EPHA7: variants seen among roughly 807,000 people sequenced by gnomAD.
The protein encoded by EPHA7 is EPH receptor A7.
EPHA7 carries 25 observed loss-of-function variants against 112.6 expected under a neutral mutation model. That is an observed-to-expected ratio of 0.22 (90% CI 0.16 to 0.31). EPHA7 has a LOEUF of 0.31. Ranked by LOEUF, EPHA7 falls within the 10% of genes least tolerant of loss-of-function variation. The pLI, the probability that EPHA7 is intolerant of heterozygous loss-of-function variation, is 1.00. For synonymous variants in EPHA7, 437 were observed against 406.5 expected (o/e 1.07, Z -0.90); for missense variants, 962 against 1,212.6 (o/e 0.79, Z 3.07).
intron 9 of EPHA7, among the ~76,000 whole-genome samples, chr6:93,260,306 T>A (rs1206262299): frequency 6.6e-6 from 1 of 151,820 alleles, no homozygotes; most frequent in African/African-American, 2.4e-5. Flanking sequence ...ATCTTAAAAG[T>A]TAAAATCTTC....
At chr6:93,311,212 C>T (rs1166084515) in intron 5 of EPHA7, among the ~76,000 whole-genome samples, 2 of 147,368 alleles carry the variant, frequency 1.4e-5, no homozygotes, top group African/African-American at 2.5e-5. Flanking sequence ...ATCCAACAGC[C>T]TCAGGCTCCC....
At chr6:93,377,206 A>T (rs1777104588) in intron 3 of EPHA7, among the ~76,000 whole-genome samples, 2 of 152,188 alleles carry the variant, frequency 1.3e-5, no homozygotes, top group Admixed American at 1.3e-4. Context: ...GACATCAAGC[A>T]TGCTGCTAAA....
At chr6:93,327,211 C>T (rs1774365512) in intron 5 of EPHA7, among the ~76,000 whole-genome samples, 2 of 151,492 alleles carry the variant, frequency 1.3e-5, no homozygotes, top group Admixed American at 1.3e-4. Context: ...GCAGAGCTAT[C>T]AACATTTGGG....
chr6:93,411,284 G>T, intron 2 of EPHA7, 114 bp from the exon 3 acceptor site: 1 of 804,330 alleles, frequency 1.2e-6, no homozygotes. Context: ...TGATTCCTAT[G>T]CTGGCAAAAC....
intron 5 of EPHA7, among the ~76,000 whole-genome samples, chr6:93,331,396 A>G (rs933800534): frequency 6.0e-5 from 9 of 150,838 alleles, no homozygotes; most frequent in African/African-American, 1.5e-4. Context: ...AAATTCTGCA[A>G]CTCCTGAATA....
At position 93,329,627 on chromosome 6, in the gene EPHA7, A is replaced by G. The variant is rs1005063079; in HGVS notation, c.1324+27090T>C. ...AAAGGAGACATTGCTTAAAGAATACATTGTATCCATTATAGAGTATGACTG... is the reference window on the plus strand; with the variant it reads ...AAAGGAGACATTGCTTAAAGAATACGTTGTATCCATTATAGAGTATGACTG... On this transcript the variant is annotated intron_variant, in intron 5 of 16. Coordinates refer to ENST00000369303, the MANE Select transcript of EPHA7 (RefSeq NM_004440.4). 5.9e-5 allele frequency among the ~76,000 whole-genome samples: 9 copies of G among 151,536 alleles called. No homozygotes were observed. In the South Asian group the frequency reaches 1.7e-3, roughly 28 times the overall value.
intron 5 of EPHA7, among the ~76,000 whole-genome samples, chr6:93,328,614 G>T (rs975731426): frequency 6.6e-6 from 1 of 151,282 alleles, no homozygotes; most frequent in Non-Finnish European, 1.5e-5. Flanking sequence ...TTTCTTACCT[G>T]ACTTTATTAT....
chr6:93,342,918 C>G (rs996364853), intron 5 of EPHA7, among the ~76,000 whole-genome samples: 1 of 151,592 alleles, frequency 6.6e-6, no homozygotes, highest in Non-Finnish European at 1.5e-5. Flanking sequence ...ATATTGTCTG[C>G]AAGAACAAAC....
chr6:93,303,249 C>T (rs1429338219), intron 5 of EPHA7, among the ~76,000 whole-genome samples: 4 of 152,100 alleles, frequency 2.6e-5, no homozygotes, highest in African/African-American at 9.7e-5. Flanking sequence ...ATCCTGCTGG[C>T]TCAATATTCA....
At chr6:93,314,811 T>C (rs1773713135) in intron 5 of EPHA7, among the ~76,000 whole-genome samples, 2 of 151,650 alleles carry the variant, frequency 1.3e-5, no homozygotes, top group Admixed American at 6.6e-5. Flanking sequence ...ATGATATTTA[T>C]ATATTAAAAA....
intron 9 of EPHA7, chr6:93,260,898 T>C (rs975519597): frequency 6.4e-5 from 14 of 219,974 alleles, no homozygotes; most frequent in Non-Finnish European, 1.1e-4. Context: ...AAGAAAACAA[T>C]AGGTTAACCT....
chr6:93,348,601 G>A (rs913976717), intron 5 of EPHA7, among the ~76,000 whole-genome samples: 4 of 151,776 alleles, frequency 2.6e-5, no homozygotes, highest in African/African-American at 9.7e-5. Context: ...CATTATGGCT[G>A]TAAACAGTTT....
chr6:93,379,982 ATT>A (rs958427041), intron 3 of EPHA7, among the ~76,000 whole-genome samples: 11 of 152,058 alleles, frequency 7.2e-5, no homozygotes, highest in Admixed American at 2.6e-4. Context: ...CTGTGAAAAG[ATT>A]TTGTTTCTTT....
chr6:93,415,796 T>G (rs1388372090), intron 1 of EPHA7, among the ~76,000 whole-genome samples: 1 of 152,042 alleles, frequency 6.6e-6, no homozygotes. Context: ...CTCAGAAAAA[T>G]GTTAAAATTT....
At chr6:93,412,356 T>C (rs1329609030) in intron 2 of EPHA7, among the ~76,000 whole-genome samples, 1 of 152,130 alleles carries the variant, frequency 6.6e-6, no homozygotes, top group African/African-American at 2.4e-5. Flanking sequence ...TGAGTATTGA[T>C]TTATTTAAAT....
rs1450036312 is a variant in EPHA7, at chr6:93,410,859, A to T, written c.474T>A (p.Gly158=). 6.2e-7 allele frequency: 1 copy of T among 1,614,004 alleles called. No homozygotes were observed. Residue 158 remains glycine (G), a synonymous_variant, in exon 3 of 17, where the codon GGT becomes GGA. Transcript: ENST00000369303. This position sits in a 1 kb window ranked among gnomAD's most constrained non-coding sequence, Gnocchi z 4.0. ...GCTTCATCTTTCTTTCACCAAGGTC[A>T]CCTTGGGTAAAACTTTCATCTGCAG... ...TIAADESFTQ[G]DLGERKMKLN...
At chr6:93,342,758 G>A (rs933071339) in intron 5 of EPHA7, among the ~76,000 whole-genome samples, 5 of 150,790 alleles carry the variant, frequency 3.3e-5, no homozygotes, top group South Asian at 2.1e-4. Flanking sequence ...TTGAGTTATC[G>A]TATATATGTT....
intron 5 of EPHA7, among the ~76,000 whole-genome samples, chr6:93,297,155 T>C (rs999662131): frequency 2.0e-5 from 3 of 152,182 alleles, no homozygotes; most frequent in African/African-American, 2.4e-5. Flanking sequence ...TACTGCAGAC[T>C]GAGAAAGGCA....
At chr6:93,379,634 C>G (rs1777236006) in intron 3 of EPHA7, among the ~76,000 whole-genome samples, 1 of 151,882 alleles carries the variant, frequency 6.6e-6, no homozygotes, top group Admixed American at 6.6e-5. Flanking sequence ...AGTGATTATA[C>G]AATCAAACCA....
Sources: gnomAD v4.1 joint callset for allele counts (sites outside exome capture counted in the v4.1 genomes callset) on GRCh38, gnomAD v4.1.1 for gene constraint, Gnocchi (gnomAD v3.1) non-coding constraint, MANE v1.5 for transcripts, NCBI Gene and HGNC (gene_info 2026-07-23, HGNC 2026-07-21) for gene names.